Variants in RARB observed in about 807,000 individuals in gnomAD.
The protein encoded by RARB is HBV-activated protein.
A neutral mutation model predicts 51.9 loss-of-function variants in RARB; 17 were observed. The ratio of observed to expected loss-of-function variants is 0.33; its 90% CI spans 0.22 to 0.49. RARB has a LOEUF of 0.49. Ranked by LOEUF, RARB falls within the 20% of genes least tolerant of loss-of-function variation. RARB has a pLI of 0.99. For missense variants in RARB, 369 were observed against 550.8 expected (o/e 0.67, Z 3.30); for synonymous variants, 215 against 195.4 (o/e 1.10, Z -0.84).
intron 5 of RARB, among the ~76,000 whole-genome samples, chr3:25,270,465 A>C (rs1703232729): frequency 6.6e-6 from 1 of 152,214 alleles, no homozygotes; most frequent in South Asian, 2.1e-4. Flanking sequence ...AAATTGTTAA[A>C]ATGGTAAAAA....
At chr3:25,478,070 G>C (rs1271312363) in intron 2 of RARB, among the ~76,000 whole-genome samples, 1 of 152,162 alleles carries the variant, frequency 6.6e-6, no homozygotes, top group African/African-American at 2.4e-5. Flanking sequence ...AGAGTTGTCA[G>C]ACCTATTACA....
chr3:25,311,851 G>T (rs1490298650), intron 5 of RARB, among the ~76,000 whole-genome samples: 1 of 152,182 alleles, frequency 6.6e-6, no homozygotes, highest in African/African-American at 2.4e-5. Context: ...GACAGTGGGG[G>T]ATGTGGATAC....
At chr3:25,270,095 G>A (rs1255816699) in intron 5 of RARB, among the ~76,000 whole-genome samples, 1 of 152,132 alleles carries the variant, frequency 6.6e-6, no homozygotes, top group Non-Finnish European at 1.5e-5. Context: ...AGAATAGTAT[G>A]GCAGTTCTTC....
intron 3 of RARB, among the ~76,000 whole-genome samples, chr3:25,075,843 G>T (rs565153030): frequency 1.2e-4 from 19 of 152,204 alleles, no homozygotes; most frequent in Non-Finnish European, 2.2e-4. Context: ...ATGATTTTAG[G>T]CTTATCAACT....
At chr3:24,861,378 T>A (rs1559374404) in intron 2 of RARB, among the ~76,000 whole-genome samples, 1 of 152,146 alleles carries the variant, frequency 6.6e-6, no homozygotes, top group East Asian at 1.9e-4. Flanking sequence ...AAAGGACAGC[T>A]GTGTTTATTT....
chr3:25,595,289 A>T (rs537817460), intron 7 of RARB, among the ~76,000 whole-genome samples: 35 of 151,402 alleles, frequency 2.3e-4, no homozygotes, highest in African/African-American at 8.4e-4. Flanking sequence ...CCTGGTACCA[A>T]ATGGGCTATT....
chr3:25,002,293 C>T lies in RARB; in HGVS notation c.-379-57832C>T, dbSNP rs149267069. On this transcript the variant is annotated intron_variant, in intron 2 of 11. Transcript: ENST00000383772. The stretch of plus-strand genomic sequence containing the variant: ...GTCAGCTTCAGGAGATAGACAAGAT[C>T]GTTTACATCTCACTGTGAAACACAG... Among the ~76,000 whole-genome samples, 967 of 152,242 alleles carry T rather than the reference C, an allele frequency of 6.4e-3. 9 individuals are homozygous for T. The highest frequency in any genetic ancestry group is 0.022 in the African/African-American group (909 of 41,534).
At chr3:25,169,702 T>A (rs568552026) in intron 4 of RARB, among the ~76,000 whole-genome samples, 149 of 151,980 alleles carry the variant, frequency 9.8e-4, no homozygotes, top group Non-Finnish European at 1.7e-3. Flanking sequence ...ATAAAAAAAA[T>A]TTTGGCTGGG....
chr3:25,514,581 TG>T (rs1698064704), intron 3 of RARB, among the ~76,000 whole-genome samples: 2 of 152,180 alleles, frequency 1.3e-5, no homozygotes, highest in African/African-American at 4.8e-5. Flanking sequence ...TATTGGAAAA[TG>T]CAACTCCTCC....
At chr3:25,588,333 A>G (rs1045970921) in intron 5 of RARB, among the ~76,000 whole-genome samples, 37 of 152,358 alleles carry the variant, frequency 2.4e-4, no homozygotes, top group African/African-American at 8.7e-4. Context: ...TATAGGTCAA[A>G]TAATGGTTAC....
chr3:24,984,557 C>A (rs1004982544), intron 2 of RARB, among the ~76,000 whole-genome samples: 21 of 152,052 alleles, frequency 1.4e-4, no homozygotes, highest in African/African-American at 5.1e-4. Flanking sequence ...ACCGAATACA[C>A]AGAGAGTAGA....
At chr3:25,096,950 T>C (rs1699303056) in intron 3 of RARB, among the ~76,000 whole-genome samples, 3 of 152,322 alleles carry the variant, frequency 2.0e-5, no homozygotes, top group Admixed American at 1.3e-4. Context: ...CTCCAGCCTG[T>C]GGGGTTTTGC....
chr3:25,398,201 C>A (rs1157773494), intron 5 of RARB, among the ~76,000 whole-genome samples: 1 of 152,100 alleles, frequency 6.6e-6, no homozygotes, highest in East Asian at 1.9e-4. Flanking sequence ...ACTTTCCCAT[C>A]CCTCTGAGAA....
intron 2 of RARB, among the ~76,000 whole-genome samples, chr3:24,968,603 A>C (rs952113137): frequency 6.6e-6 from 1 of 152,076 alleles, no homozygotes; most frequent in Non-Finnish European, 1.5e-5. Flanking sequence ...GGTCTCACTC[A>C]CATATCTGGT....
At position 25,597,027 on chromosome 3, in the gene RARB, T is replaced by TGACA. The variant is rs1553638138; in HGVS notation, c.*412_*415dup. The TGACA allele has an allele frequency of 1.9e-5, 3 of 158,730 alleles. No homozygotes were observed. Among genetic ancestry groups the TGACA allele is most frequent in the Admixed American group, 6.1e-5 (1 of 16,366 alleles). 9.8% of individuals were successfully genotyped at this position (158,730 alleles called of 1,614,324 possible). On this transcript the variant is annotated 3_prime_UTR_variant, in exon 8 of 8. Coordinates refer to ENST00000330688, the MANE Select transcript of RARB (RefSeq NM_000965.5). ...TTGTCTTGCATACTCAAAATAACCATGACACCAAGGTTATGAAATAGACTA... is the reference window on the plus strand; with the variant it reads ...TTGTCTTGCATACTCAAAATAACCATGACAGACACCAAGGTTATGAAATAGACTA...
Position 25,211,595 on chromosome 3 carries a change from CA to C in RARB, c.178+37021del, listed in dbSNP as rs572320556. Among the ~76,000 whole-genome samples, 981 of 152,286 alleles carry C rather than the reference CA, an allele frequency of 6.4e-3. 8 individuals carry two copies. The highest frequency in any genetic ancestry group is 0.021 in the African/African-American group (888 of 41,548). ...GGAGCAGCTGCCTGGTTCAACTCCC[CA>C]TGATTCAAATCTGAAATTCAAAATG... On this transcript the variant is annotated intron_variant, in intron 5 of 11. Transcript: ENST00000383772.
Position 24,879,932 on chromosome 3 carries a change from G to T in RARB, c.-380+21180G>T, listed in dbSNP as rs1269964106. ...TTTTGTCCTGCGTGAATCCCATCTT[G>T]CAAAGTTCTTGAGTTTTGTGTTACG... On this transcript the variant is annotated intron_variant, in intron 2 of 11. Transcript: ENST00000383772. Among the ~76,000 whole-genome samples, 5 of 148,904 alleles carry T rather than the reference G, an allele frequency of 3.4e-5. No homozygotes were observed. The East Asian group carries it at 1.0e-3, about 30-fold the overall frequency.
At chr3:25,197,656 TGAAAAG>T (rs1233507964) in intron 5 of RARB, among the ~76,000 whole-genome samples, 2 of 151,862 alleles carry the variant, frequency 1.3e-5, no homozygotes, top group African/African-American at 4.8e-5. Flanking sequence ...CAAAAAAACT[TGAAAAG>T]GTAAATGGAA....
At position 25,414,442 on chromosome 3, in the gene RARB, G is replaced by A. The variant is rs535640211; in HGVS notation, c.179-46751G>A. Among the ~76,000 whole-genome samples the A allele has an allele frequency of 5.1e-4, 77 of 152,298 alleles. 2 individuals carry two copies. In the South Asian group the frequency reaches 0.014, roughly 29 times the overall value. On this transcript the variant is annotated intron_variant, in intron 5 of 11. Transcript: ENST00000383772. The stretch of plus-strand genomic sequence containing the variant: ...GTCTCCTGAGTAAACACCTAGGCAT[G>A]GAATGGCAGGATCACTTGGTAAGAA...
Sources: gnomAD v4.1 joint callset for allele counts (sites outside exome capture counted in the v4.1 genomes callset) on GRCh38, gnomAD v4.1.1 for gene constraint, MANE v1.5 for transcripts, NCBI Gene and HGNC (gene_info 2026-07-23, HGNC 2026-07-21) for gene names.